MEIS1: variants seen among roughly 807,000 people sequenced by gnomAD.
MEIS1 encodes the protein homeobox protein Meis1.
In MEIS1, 5 loss-of-function variants were observed where a neutral mutation model predicts 50.8. The ratio of observed to expected loss-of-function variants is 0.10; its 90% confidence interval spans 0.05 to 0.21. The LOEUF (loss-of-function observed/expected upper bound fraction) is 0.21. Ranked by LOEUF, MEIS1 falls within the 10% of genes least tolerant of loss-of-function variation. The pLI is 1.00. For missense variants in MEIS1, 318 were observed against 517.3 expected (o/e 0.61, Z 3.74); for synonymous variants, 176 against 179.3 (o/e 0.98, Z 0.15).
chr2:66,448,433 A>G (rs1018276261), intron 6 of MEIS1, among the ~76,000 whole-genome samples: 10 of 152,170 alleles, frequency 6.6e-5, no homozygotes, highest in African/African-American at 2.4e-4. Context: ...TAGATAGACT[A>G]AAGTATTACC....
chr2:66,495,341 G>C (rs763507113), intron 7 of MEIS1, among the ~76,000 whole-genome samples: 3 of 151,944 alleles, frequency 2.0e-5, no homozygotes, highest in Admixed American at 1.3e-4. Flanking sequence ...ATCCAGCTTT[G>C]GGTCTGCAGT....
At chr2:66,524,512 T>C (rs1366108417) in intron 8 of MEIS1, among the ~76,000 whole-genome samples, 2 of 151,804 alleles carry the variant, frequency 1.3e-5, no homozygotes, top group African/African-American at 2.4e-5. Context: ...TGAGCCAAGA[T>C]TGCACCACTG....
At chr2:66,558,594 A>T (rs1351643261) in intron 9 of MEIS1, among the ~76,000 whole-genome samples, 1 of 152,214 alleles carries the variant, frequency 6.6e-6, no homozygotes, top group Non-Finnish European at 1.5e-5. Flanking sequence ...GTCACAGTGA[A>T]CATTCCAAGG....
intron 2 of MEIS1, chr2:66,439,625 T>A: frequency 6.5e-7 from 1 of 1,537,404 alleles, no homozygotes; most frequent in Non-Finnish European, 8.7e-7. Context: ...TCAGATACCG[T>A]CCATGGCTCA....
At chr2:66,556,649 C>T (rs1033472938) in intron 9 of MEIS1, among the ~76,000 whole-genome samples, 1 of 151,996 alleles carries the variant, frequency 6.6e-6, no homozygotes, top group Non-Finnish European at 1.5e-5. Context: ...GGTTTGTTGT[C>T]TGGTTGAAGG....
At chr2:66,500,258 A>G (rs2103827701) in intron 7 of MEIS1, among the ~76,000 whole-genome samples, 1 of 152,308 alleles carries the variant, frequency 6.6e-6, no homozygotes, top group Middle Eastern at 3.4e-3. Flanking sequence ...GAGCTTTAAC[A>G]GTCACTAATG....
At chr2:66,553,438 G>T (rs1161964306) in intron 9 of MEIS1, among the ~76,000 whole-genome samples, 2 of 152,154 alleles carry the variant, frequency 1.3e-5, no homozygotes, top group Non-Finnish European at 2.9e-5. Flanking sequence ...CTTACTCTGG[G>T]CTTAGATTAT....
At chr2:66,440,154 C>G in intron 3 of MEIS1, 170 bp downstream of exon 3, 1 of 663,838 alleles carries the variant, frequency 1.5e-6, no homozygotes, top group Non-Finnish European at 2.5e-6. Context: ...TACCTCCAAC[C>G]TCAGATTTTC....
At chr2:66,558,279 CAAAAA>C (rs59017279) in intron 9 of MEIS1, among the ~76,000 whole-genome samples, 2 of 57,102 alleles carry the variant, frequency 3.5e-5, no homozygotes, top group African/African-American at 8.1e-5. Context: ...AACTCCATCT[CAAAAA>C]AAAAAAAAAA....
intron 3 of MEIS1, 59 bp downstream of exon 3, chr2:66,440,043 A>G (rs1306100450): frequency 2.9e-6 from 4 of 1,372,516 alleles, no homozygotes; most frequent in East Asian, 2.7e-5. Context: ...CCCTTCGCCA[A>G]CACACACGCG....
intron 9 of MEIS1, among the ~76,000 whole-genome samples, chr2:66,552,867 A>G (rs1257251203): frequency 2.0e-5 from 3 of 152,174 alleles, no homozygotes; most frequent in Non-Finnish European, 2.9e-5. Flanking sequence ...TATCCTTTCA[A>G]CTTCTGTGAT....
intron 8 of MEIS1, among the ~76,000 whole-genome samples, chr2:66,537,522 C>T (rs561083093): frequency 3.3e-5 from 5 of 152,096 alleles, no homozygotes; most frequent in African/African-American, 4.8e-5. Flanking sequence ...GGGAGCAGCA[C>T]GAATTCTCCA....
chr2:66,492,081 G>A (rs1449768934), intron 7 of MEIS1, among the ~76,000 whole-genome samples: 6 of 150,132 alleles, frequency 4.0e-5, no homozygotes, highest in African/African-American at 1.5e-4. Flanking sequence ...GTGTGTGTGT[G>A]TGTGTGTGTC....
chr2:66,521,360 AT>A (rs55819820), intron 8 of MEIS1, among the ~76,000 whole-genome samples: 2,690 of 149,410 alleles, frequency 0.018, 62 homozygotes, highest in African/African-American at 0.061. Flanking sequence ...CTCCTTGAAG[AT>A]TTTTTTTTTT....
chr2:66,549,464 A>G (rs995982950), intron 9 of MEIS1, among the ~76,000 whole-genome samples: 7 of 152,048 alleles, frequency 4.6e-5, no homozygotes, highest in African/African-American at 1.4e-4. Flanking sequence ...TTAATACTAC[A>G]TATTGGAAAT....
chr2:66,525,545 A>T (rs1674228714), intron 8 of MEIS1, among the ~76,000 whole-genome samples: 1 of 152,136 alleles, frequency 6.6e-6, no homozygotes, highest in Non-Finnish European at 1.5e-5. Context: ...AGTTTGACAA[A>T]ATGTTTTATT....
intron 9 of MEIS1, among the ~76,000 whole-genome samples, chr2:66,557,872 G>A (rs948752338): frequency 7.2e-5 from 11 of 152,132 alleles, no homozygotes; most frequent in South Asian, 2.1e-4. Flanking sequence ...AAAACTTGCC[G>A]GTGAGTGGCA....
chr2:66,545,318 G>A (rs572805819), intron 8 of MEIS1, among the ~76,000 whole-genome samples: 5 of 152,310 alleles, frequency 3.3e-5, no homozygotes, highest in Admixed American at 1.3e-4. Context: ...GAAGTTGCTT[G>A]TGTACTTCAG....
chr2:66,439,717 A>C, intron 2 of MEIS1, 126 bp from the exon 3 acceptor site: 1 of 1,562,172 alleles, frequency 6.4e-7, no homozygotes, highest in Non-Finnish European at 8.7e-7. Context: ...AAAGGAAAAA[A>C]GTAGATGACA....
Sources: allele counts gnomAD v4.1 joint callset (sites outside exome capture counted in the v4.1 genomes callset), GRCh38; gene constraint gnomAD v4.1.1; transcripts MANE v1.5; gene names NCBI Gene and HGNC (gene_info 2026-07-23, HGNC 2026-07-21).